Variants in WDR41 observed in about 807,000 individuals in gnomAD.
WDR41 encodes the protein WD repeat-containing protein 41.
A neutral mutation model predicts 69.3 loss-of-function variants in WDR41; 63 were observed. The ratio of observed to expected loss-of-function variants is 0.91; its 90% CI spans 0.74 to 1.12. The LOEUF is 1.12. Among genes scored for constraint, WDR41 ranks in the 50% most tolerant of loss-of-function variants. The probability of loss-of-function intolerance (pLI) is 0.00; values close to 1 mark genes in which losing one functional copy is unlikely to be tolerated. For synonymous variants in WDR41, 185 were observed against 192.1 expected (o/e 0.96, Z 0.31); for missense variants, 543 against 534.5 (o/e 1.02, Z -0.16).
At chr5:77,577,244 G>T (rs575455131) in intron 1 of WDR41, among the ~76,000 whole-genome samples, 48 of 151,714 alleles carry the variant, frequency 3.2e-4, no homozygotes, top group Non-Finnish European at 5.4e-4. Flanking sequence ...TACCAACAAG[G>T]AATTTGTACC....
At chr5:77,444,883 T>C (rs149589393) in intron 8 of WDR41, among the ~76,000 whole-genome samples, 1 of 152,070 alleles carries the variant, frequency 6.6e-6, no homozygotes, top group African/African-American at 2.4e-5. Context: ...ATAGAGTTTA[T>C]AAAGTAAAAA....
Position 77,453,862 on chromosome 5 carries a change from G to C in WDR41, c.478C>G (p.Arg160Gly). The change falls in exon 6 of 13, where the codon CGA becomes GGA. Residue 160 changes from arginine (R) to glycine (G), a missense_variant. By Grantham distance (125) the Arg-to-Gly change is moderately radical. Transcript: ENST00000296679. ...SGGNDLCVWN[R>G]KLDLLCKTSH... is the part of the protein sequence containing the mutation. The stretch of plus-strand genomic sequence containing the variant: ...GTCTTACACAGGAGATCTAATTTTC[G>C]GTTCCACACACACAGGTCATTCCCA... 1 of 1,613,864 alleles carries C rather than the reference G, an allele frequency of 6.2e-7. No individual in the cohort carries two copies. Among genetic ancestry groups the C allele is most frequent in the South Asian group, 1.1e-5 (1 of 91,066 alleles).
At chr5:77,610,375 G>T (rs1366531841) in intron 1 of WDR41, among the ~76,000 whole-genome samples, 1 of 152,180 alleles carries the variant, frequency 6.6e-6, no homozygotes, top group Non-Finnish European at 1.5e-5. Context: ...AACTTGAAAT[G>T]AAGGAAAAAA....
intron 1 of WDR41, among the ~76,000 whole-genome samples, chr5:77,611,698 C>T (rs1410808248): frequency 1.3e-5 from 2 of 151,548 alleles, no homozygotes; most frequent in African/African-American, 4.8e-5. Flanking sequence ...AGGAAAGATC[C>T]AAAATTGACA....
At chr5:77,493,654 T>C (rs1443448708), upstream of WDR41, among the ~76,000 whole-genome samples, 1 of 152,182 alleles carries the variant, frequency 6.6e-6, no homozygotes, top group Non-Finnish European at 1.5e-5. Context: ...CTGCATACAG[T>C]TGAAGACAGA....
chr5:77,525,485 A>G (rs1305966299), intron 1 of WDR41, among the ~76,000 whole-genome samples: 1 of 152,182 alleles, frequency 6.6e-6, no homozygotes, highest in Non-Finnish European at 1.5e-5. Flanking sequence ...ATAACTGTAC[A>G]TAGTGGGCAC....
chr5:77,436,326 C>T lies in WDR41; in HGVS notation c.1162G>A (p.Glu388Lys). Residue 388 changes from glutamate to lysine, a missense_variant, in exon 12 of 13, where the codon GAA (glutamate) becomes AAA (lysine). Physicochemically the swap from Glu to Lys is moderately conservative, Grantham distance 56. Transcript: ENST00000296679. The stretch of plus-strand genomic sequence containing the variant: ...TCCAGTGAACATGAAGTAGCATTTT[C>T]TTGCTGCTTTTTAACAGGTTGGCTG... ...QASQPVKKQQ[E>K]NATSCSLELI... The T allele has an allele frequency of 6.2e-7, 1 of 1,614,108 alleles. No homozygotes were observed. Among genetic ancestry groups the T allele is most frequent in the Non-Finnish European group, 8.5e-7 (1 of 1,179,996 alleles).
intron 2 of WDR41, among the ~76,000 whole-genome samples, chr5:77,475,656 C>A (rs555486893): frequency 1.3e-4 from 20 of 152,214 alleles, no homozygotes; most frequent in Non-Finnish European, 2.1e-4. Flanking sequence ...ACATCCACAC[C>A]AAAAACCCAT....
At chr5:77,563,515 T>C (rs1743562608) in intron 1 of WDR41, among the ~76,000 whole-genome samples, 1 of 152,204 alleles carries the variant, frequency 6.6e-6, no homozygotes, top group African/African-American at 2.4e-5. Flanking sequence ...TTGAAGTCAT[T>C]CCATGGGAAG....
intron 1 of WDR41, among the ~76,000 whole-genome samples, chr5:77,607,118 C>A (rs1007505169): frequency 6.6e-6 from 1 of 151,864 alleles, no homozygotes; most frequent in South Asian, 2.1e-4. Flanking sequence ...AACAATAAGG[C>A]TCTGAATTAG....
At chr5:77,609,386 G>T (rs1401143561) in intron 1 of WDR41, among the ~76,000 whole-genome samples, 2 of 152,140 alleles carry the variant, frequency 1.3e-5, no homozygotes, top group African/African-American at 4.8e-5. Context: ...CCCCTGAGCA[G>T]CCTAACTGGG....
chr5:77,488,735 G>A (rs918308334), intron 2 of WDR41, among the ~76,000 whole-genome samples: 2 of 152,026 alleles, frequency 1.3e-5, no homozygotes, highest in African/African-American at 4.8e-5. Context: ...ACTGTACTAG[G>A]TACTAAGAAA....
chr5:77,535,345 T>C (rs986774569), intron 1 of WDR41, among the ~76,000 whole-genome samples: 1 of 152,208 alleles, frequency 6.6e-6, no homozygotes, highest in Non-Finnish European at 1.5e-5. Flanking sequence ...GCCGTATGGA[T>C]GTTTCTCATA....
chr5:77,496,083 C>T (rs1322454651), upstream of WDR41, among the ~76,000 whole-genome samples: 1 of 151,960 alleles, frequency 6.6e-6, no homozygotes, highest in South Asian at 2.1e-4. Context: ...TATCACAAAA[C>T]TCTCAGAAAA....
intron 1 of WDR41, among the ~76,000 whole-genome samples, chr5:77,522,696 G>A (rs1433641232): frequency 6.6e-6 from 1 of 151,978 alleles, no homozygotes; most frequent in Non-Finnish European, 1.5e-5. Flanking sequence ...AGAAGGCCAA[G>A]AAGTACACCA....
chr5:77,557,456 G>A (rs1022076991), intron 1 of WDR41, among the ~76,000 whole-genome samples: 2 of 152,300 alleles, frequency 1.3e-5, no homozygotes, highest in African/African-American at 4.8e-5. Flanking sequence ...ATTTCACAAA[G>A]AGGTGGCAGA....
At chr5:77,515,420 T>C (rs958959290) in intron 1 of WDR41, among the ~76,000 whole-genome samples, 3 of 152,168 alleles carry the variant, frequency 2.0e-5, no homozygotes, top group Non-Finnish European at 2.9e-5. Flanking sequence ...CTGTCATCTA[T>C]TATGACAACA....
intron 1 of WDR41, among the ~76,000 whole-genome samples, chr5:77,591,285 C>T (rs1250191690): frequency 1.3e-5 from 2 of 152,082 alleles, no homozygotes; most frequent in Non-Finnish European, 2.9e-5. Flanking sequence ...TTTGTGCCTT[C>T]TCTGCTTTTT....
At chr5:77,489,056 C>T (rs892882568) in intron 2 of WDR41, among the ~76,000 whole-genome samples, 3 of 152,128 alleles carry the variant, frequency 2.0e-5, no homozygotes, top group Admixed American at 2.0e-4. Context: ...ATTAAACTTA[C>T]CTTCCACTAA....
Sources: allele counts gnomAD v4.1 joint callset (sites outside exome capture counted in the v4.1 genomes callset), GRCh38; gene constraint gnomAD v4.1.1; transcripts MANE v1.5; gene names NCBI Gene and HGNC (gene_info 2026-07-23, HGNC 2026-07-21).